NCKAP5L: variants seen among roughly 807,000 people sequenced by gnomAD.
NCKAP5L encodes nck-associated protein 5-like.
NCKAP5L carries 54 observed loss-of-function variants against 103.2 expected under a neutral mutation model. The observed-to-expected ratio is 0.52, with a 90% confidence interval of 0.42 to 0.66. The LOEUF is 0.66. NCKAP5L is among the 30% of genes least tolerant of loss of function. The probability of loss-of-function intolerance (pLI) is 0.00; values close to 1 mark genes in which losing one functional copy is unlikely to be tolerated. For synonymous variants in NCKAP5L, 762 were observed against 748.6 expected, an observed-to-expected ratio of 1.02 and a Z score of -0.29; for missense variants, 1,733 against 1,750.6, an observed-to-expected ratio of 0.99 and a Z score of 0.18.
Position 49,798,366 on chromosome 12 carries a change from C to T in NCKAP5L, c.449G>A (p.Cys150Tyr). 3.2e-6 allele frequency: 5 copies of T among 1,561,844 alleles called. No homozygotes were observed. The highest frequency in any genetic ancestry group is 1.4e-5 in the African/African-American group (1 of 73,842). Reference protein sequence around the residue: ...GPAAPLPLGHCAGQREVCWEQ... With the variant: ...GPAAPLPLGHYAGQREVCWEQ... Reference sequence around the variant, plus strand: ...CCCTCCTACCTCTCTCTGCCCAGCACAGTGCCCCAGAGGCAGCGGGGCAGC... The same window carrying T: ...CCCTCCTACCTCTCTCTGCCCAGCATAGTGCCCCAGAGGCAGCGGGGCAGC... Residue 150 changes from cysteine to tyrosine, a missense_variant, in exon 7 of 13, where the codon TGT becomes TAT. Cys to Tyr is a radical substitution (Grantham distance 194). Coordinates refer to ENST00000335999, the MANE Select transcript of NCKAP5L (RefSeq NM_001037806.4).
intron 1 of NCKAP5L, among the ~76,000 whole-genome samples, chr12:49,811,029 C>T (rs1049378524): frequency 3.3e-5 from 5 of 152,148 alleles, no homozygotes; most frequent in African/African-American, 7.2e-5. Context: ...ACCTGGCTGC[C>T]GAACACTTGA....
intron 1 of NCKAP5L, among the ~76,000 whole-genome samples, chr12:49,828,077 G>A (rs147355747): frequency 0.019 from 2,926 of 151,356 alleles, 81 homozygotes; most frequent in East Asian, 0.13. Context: ...CGAGGATGGC[G>A]CGGGGGGCGG....
chr12:49,799,064 C>T (rs538748759), intron 6 of NCKAP5L, among the ~76,000 whole-genome samples: 7 of 152,100 alleles, frequency 4.6e-5, no homozygotes, highest in Admixed American at 2.6e-4. Context: ...TTTAACTCCT[C>T]CCTCTCCCTC....
intron 1 of NCKAP5L, among the ~76,000 whole-genome samples, chr12:49,818,203 C>T (rs537527615): frequency 3.1e-4 from 47 of 151,514 alleles, no homozygotes; most frequent in Non-Finnish European, 5.7e-4. Context: ...AAATAAAATA[C>T]AGGGTAAAAA....
intron 2 of NCKAP5L, chr12:49,804,914 C>G (rs1946162856): frequency 6.6e-6 from 1 of 152,330 alleles, no homozygotes; most frequent in African/African-American, 2.4e-5. Flanking sequence ...GCTGGGTTAT[C>G]CCAGGGCAAG....
rs982336060 is a variant in NCKAP5L at position 49,793,071 on chromosome 12, T to G, written c.3341-85A>C. 26 of 1,152,778 alleles carry G rather than the reference T, an allele frequency of 2.3e-5. No individual in the cohort carries two copies. In the East Asian group the frequency reaches 6.7e-4, roughly 30 times the overall value. The allele number at this position is 1,152,778 out of a possible 1,614,324, so 71.4% of individuals were successfully genotyped here. ...CCTCCACTTCCCGCCCAGCCCAGGCTCCACCCTTACTCAGGGCCCCTCCTG... is the reference window on the plus strand; with the variant it reads ...CCTCCACTTCCCGCCCAGCCCAGGCGCCACCCTTACTCAGGGCCCCTCCTG... On this transcript the variant is annotated intron_variant, in intron 10 of 12. Coordinates refer to ENST00000335999, the MANE Select transcript of NCKAP5L (RefSeq NM_001037806.4).
intron 1 of NCKAP5L, among the ~76,000 whole-genome samples, chr12:49,809,950 A>G (rs956869275): frequency 1.3e-5 from 2 of 151,796 alleles, no homozygotes; most frequent in East Asian, 1.9e-4. Flanking sequence ...CATCCCCCCA[A>G]CTTCCGTTTC....
intron 3 of NCKAP5L, 130 bp from the exon 4 acceptor site, chr12:49,803,295 C>T: frequency 1.2e-6 from 1 of 838,516 alleles, no homozygotes; most frequent in Non-Finnish European, 1.9e-6. Flanking sequence ...CAGCTCTTGG[C>T]TGTGAGCAGA....
At position 49,792,670 on chromosome 12, in the gene NCKAP5L, A is replaced by G. The variant is rs754271059; in HGVS notation, c.3649+8T>C. The G allele has an allele frequency of 3.1e-6, 5 of 1,612,848 alleles. No homozygotes were observed. Among genetic ancestry groups the G allele is most frequent in the Non-Finnish European group, 4.2e-6 (5 of 1,179,566 alleles). On this transcript the variant is annotated splice_region_variant and intron_variant, in intron 11 of 12. Coordinates refer to ENST00000335999, the MANE Select transcript of NCKAP5L (RefSeq NM_001037806.4). The surrounding 1 kb of genome is among the most constrained non-coding windows in gnomAD (Gnocchi z 4.5). ...AGGGGCATCCCACCCTCCCACCTGG[A>G]CACTCACCATCAGGACAGGTCTCAT...
chr12:49,826,103 C>CA (rs1371673468), intron 1 of NCKAP5L, among the ~76,000 whole-genome samples: 64 of 145,828 alleles, frequency 4.4e-4, no homozygotes, highest in Non-Finnish European at 7.2e-4. Context: ...TCCTTAGCCC[C>CA]TTGCCTGGGA....
chr12:49,820,313 CTTTTTTTT>C (rs55677422), intron 1 of NCKAP5L, among the ~76,000 whole-genome samples: 5 of 121,422 alleles, frequency 4.1e-5, no homozygotes, highest in African/African-American at 1.7e-4. Flanking sequence ...ATCTCCTGGC[CTTTTTTTT>C]TTTTTTTTTT....
At chr12:49,801,727 T>G (rs1946120306) in intron 6 of NCKAP5L, 121 bp downstream of exon 6, 1 of 1,252,886 alleles carries the variant, frequency 8.0e-7, no homozygotes, top group African/African-American at 1.5e-5. Context: ...ACCCCCAGAA[T>G]GGAAGGTGGA....
At position 49,795,112 on chromosome 12, in the gene NCKAP5L, G is replaced by A. The variant is rs755724910; in HGVS notation, c.2748C>T (p.Ser916=). The change falls in exon 8 of 13, where the codon AGC becomes AGT. Residue 916 remains serine, a synonymous_variant. Transcript: ENST00000335999. ...GAEVKHRNTS[S]IASWFGLKKS... is the part of the protein sequence containing the mutation. ...TCTTAAGGCCGAACCAGCTGGCGAT[G>A]CTGCTGGTGTTGCGGTGCTTGACCT... 2 of 1,613,350 alleles carry A rather than the reference G, an allele frequency of 1.2e-6. No homozygotes were observed. The highest frequency in any genetic ancestry group is 2.2e-5 in the South Asian group (2 of 91,084).
chr12:49,822,950 A>T (rs1350682548), intron 1 of NCKAP5L, among the ~76,000 whole-genome samples: 1 of 152,198 alleles, frequency 6.6e-6, no homozygotes, highest in African/African-American at 2.4e-5. Flanking sequence ...AGCTCCTCCC[A>T]GCTGTGGCAT....
intron 3 of NCKAP5L, among the ~76,000 whole-genome samples, chr12:49,803,709 G>A (rs1232023544): frequency 6.6e-6 from 1 of 152,168 alleles, no homozygotes; most frequent in African/African-American, 2.4e-5. Context: ...TCTTGTCCCC[G>A]AGCCGTCACT....
At chr12:49,818,560 C>A (rs149073362) in intron 1 of NCKAP5L, among the ~76,000 whole-genome samples, 6,039 of 152,080 alleles carry the variant, frequency 0.04, 171 homozygotes, top group Non-Finnish European at 0.062. Flanking sequence ...AGACTTTGAC[C>A]ACGTTGCCCA....
intron 1 of NCKAP5L, among the ~76,000 whole-genome samples, chr12:49,822,829 C>T (rs1050182638): frequency 1.3e-5 from 2 of 152,080 alleles, no homozygotes; most frequent in South Asian, 2.1e-4. Flanking sequence ...CATGAGCCAC[C>T]GTGCCCAGCA....
In NCKAP5L at chr12:49,793,438, G is replaced by T; in HGVS notation, c.3259-5C>A. 6.2e-7 allele frequency: 1 copy of T among 1,609,374 alleles called. No individual in the cohort carries two copies. The highest frequency in any genetic ancestry group is 8.5e-7 in the Non-Finnish European group (1 of 1,179,696). The stretch of plus-strand genomic sequence containing the variant: ...CCTCCCTGGCTCGCTGCTCGGCTGT[G>T]TGGGATACAGGAGACCTCATAGTCC... On this transcript the variant is annotated splice_region_variant and splice_polypyrimidine_tract_variant and intron_variant, in intron 9 of 12. Coordinates refer to ENST00000335999, the MANE Select transcript of NCKAP5L (RefSeq NM_001037806.4).
At position 49,797,213 on chromosome 12, in the gene NCKAP5L, C is replaced by T. The variant is rs771887914; in HGVS notation, c.647G>A (p.Gly216Asp). ...GGGCTCTGGGGAGCCAGGCCCCTGGCCTGGAGGCCGCCAGGGGGTGGCAGG... is the reference window on the plus strand; with the variant it reads ...GGGCTCTGGGGAGCCAGGCCCCTGGTCTGGAGGCCGCCAGGGGGTGGCAGG... ...CSPATPWRPP[G>D]QGPGSPEPIN... The change falls in exon 8 of 13, where the codon GGC (glycine) becomes GAC (aspartate). Residue 216 changes from glycine (G) to aspartate (D), a missense_variant. Transcript: ENST00000335999. This position sits in a 1 kb window ranked among gnomAD's most constrained non-coding sequence, Gnocchi z 4.5. 1.9e-6 allele frequency: 3 copies of T among 1,613,338 alleles called. No individual in the cohort carries two copies. The highest frequency in any genetic ancestry group is 2.5e-6 in the Non-Finnish European group (3 of 1,179,780).
Sources: gnomAD v4.1 joint callset for allele counts (sites outside exome capture counted in the v4.1 genomes callset) on GRCh38, gnomAD v4.1.1 for gene constraint, Gnocchi (gnomAD v3.1) non-coding constraint, MANE v1.5 for transcripts, NCBI Gene and HGNC (gene_info 2026-07-23, HGNC 2026-07-21) for gene names.